Variants in TMEM244 observed in about 807,000 individuals in gnomAD.
The protein encoded by TMEM244 is transmembrane protein 244, also known as putative transmembrane protein 244.
In TMEM244, 13 loss-of-function variants were observed where a neutral mutation model predicts 15.8. The observed-to-expected ratio is 0.82, with a 90% CI of 0.53 to 1.30. The LOEUF (loss-of-function observed/expected upper bound fraction) is 1.30, where lower values mean the gene tolerates loss of function less well. TMEM244 is among the 50% of genes most tolerant of loss of function. The probability of loss-of-function intolerance (pLI) is 0.00; values close to 1 mark genes in which losing one functional copy is unlikely to be tolerated. For missense variants in TMEM244, 161 were observed against 144.9 expected (o/e 1.11, Z -0.57); for synonymous variants, 45 against 48.7 (o/e 0.92, Z 0.32).
At chr6:129,835,865 T>A (rs1340805011) in intron 3 of TMEM244, among the ~76,000 whole-genome samples, 1 of 150,678 alleles carries the variant, frequency 6.6e-6, no homozygotes, top group African/African-American at 2.5e-5. Context: ...GGCGTCTGCA[T>A]TGCTGAGGCT....
chr6:129,837,333 A>G (rs954641713), intron 3 of TMEM244, among the ~76,000 whole-genome samples: 49 of 152,250 alleles, frequency 3.2e-4, no homozygotes, highest in Admixed American at 1.1e-3. Flanking sequence ...TAAGCTTCAT[A>G]AGTGAAGGAG....
chr6:129,860,035 A>T (rs1436012238), intron 1 of TMEM244, among the ~76,000 whole-genome samples: 1 of 151,992 alleles, frequency 6.6e-6, no homozygotes, highest in Non-Finnish European at 1.5e-5. Flanking sequence ...CTAATTCTAC[A>T]CTTGAAGCTC....
chr6:129,833,299 A>C (rs765604655), intron 4 of TMEM244, among the ~76,000 whole-genome samples, 161 bp downstream of exon 4: 2 of 152,178 alleles, frequency 1.3e-5, no homozygotes, highest in African/African-American at 4.8e-5. Flanking sequence ...GGTACAAAAA[A>C]ATTTGGCTGG....
At chr6:129,852,412 A>G (rs1776647276) in intron 1 of TMEM244, among the ~76,000 whole-genome samples, 1 of 152,150 alleles carries the variant, frequency 6.6e-6, no homozygotes, top group South Asian at 2.1e-4. Flanking sequence ...TAATCCTCAC[A>G]ACAACACTGC....
chr6:129,840,140 G>A (rs1320854179), intron 3 of TMEM244, among the ~76,000 whole-genome samples: 3 of 152,122 alleles, frequency 2.0e-5, no homozygotes, highest in African/African-American at 7.2e-5. Flanking sequence ...TAAGCAAAAA[G>A]AACAAAGCTG....
At chr6:129,837,539 A>T (rs1210289457) in intron 3 of TMEM244, among the ~76,000 whole-genome samples, 3 of 152,228 alleles carry the variant, frequency 2.0e-5, no homozygotes, top group African/African-American at 7.2e-5. Context: ...TAACCAGCTA[A>T]CATAATAATG....
intron 1 of TMEM244, among the ~76,000 whole-genome samples, chr6:129,847,522 A>T (rs1562199331): frequency 6.6e-6 from 1 of 152,170 alleles, no homozygotes; most frequent in Non-Finnish European, 1.5e-5. Flanking sequence ...TCTACCAAGA[A>T]CCTGCTTCTT....
chr6:129,844,572 G>T (rs780342322), intron 2 of TMEM244, among the ~76,000 whole-genome samples: 3 of 152,172 alleles, frequency 2.0e-5, no homozygotes, highest in Admixed American at 6.5e-5. Context: ...GTAGTCGTGT[G>T]CAGCTGGCCA....
chr6:129,835,198 C>A (rs1238919466), intron 3 of TMEM244, among the ~76,000 whole-genome samples: 2 of 151,942 alleles, frequency 1.3e-5, no homozygotes, highest in East Asian at 3.9e-4. Flanking sequence ...GAGTTCAAGG[C>A]CACACTGGGC....
At chr6:129,841,985 C>A (rs1045875637) in intron 3 of TMEM244, among the ~76,000 whole-genome samples, 1 of 152,102 alleles carries the variant, frequency 6.6e-6, no homozygotes, top group Admixed American at 6.6e-5. Flanking sequence ...AATTAAAGAT[C>A]TAATACGCTA....
At chr6:129,858,913 C>T (rs1776758163) in intron 1 of TMEM244, among the ~76,000 whole-genome samples, 1 of 152,024 alleles carries the variant, frequency 6.6e-6, no homozygotes, top group Non-Finnish European at 1.5e-5. Context: ...CTTGCCTCAG[C>T]CTCCCTGAGT....
chr6:129,854,891 C>T (rs564676432), intron 1 of TMEM244, among the ~76,000 whole-genome samples: 19 of 152,322 alleles, frequency 1.2e-4, no homozygotes, highest in African/African-American at 4.3e-4. Flanking sequence ...GATCTAGGCT[C>T]TTAGGAACAA....
chr6:129,837,712 A>G (rs1202942966), intron 3 of TMEM244, among the ~76,000 whole-genome samples: 1 of 152,202 alleles, frequency 6.6e-6, no homozygotes, highest in Non-Finnish European at 1.5e-5. Context: ...TAGGCTCAAA[A>G]TAAAGGGATG....
intron 4 of TMEM244, among the ~76,000 whole-genome samples, chr6:129,831,797 C>T (rs890656261): frequency 1.3e-5 from 2 of 152,192 alleles, no homozygotes; most frequent in Admixed American, 6.5e-5. Context: ...TTTCTAGGTC[C>T]AGAACCTATA....
intron 1 of TMEM244, among the ~76,000 whole-genome samples, chr6:129,859,871 A>G (rs1776775642): frequency 6.6e-6 from 1 of 152,232 alleles, no homozygotes; most frequent in Admixed American, 6.5e-5. Context: ...ATTTATAAGC[A>G]TATCAGTAAT....
intron 1 of TMEM244, among the ~76,000 whole-genome samples, chr6:129,851,884 A>C (rs74704643): frequency 0.067 from 10,141 of 152,252 alleles, 432 homozygotes; most frequent in Non-Finnish European, 0.091. Flanking sequence ...TGGATCCTGA[A>C]TCAAATAAAC....
intron 1 of TMEM244, 84 bp downstream of exon 1, chr6:129,861,070 CAG>C: frequency 6.8e-7 from 1 of 1,467,252 alleles, no homozygotes; most frequent in South Asian, 1.2e-5. Flanking sequence ...TGCCCACTGA[CAG>C]AGAGGCCATT....
intron 4 of TMEM244, among the ~76,000 whole-genome samples, chr6:129,833,209 T>C (rs1776355138): frequency 6.6e-6 from 1 of 152,192 alleles, no homozygotes; most frequent in Non-Finnish European, 1.5e-5. Flanking sequence ...AGTTATATTT[T>C]TGTAACTTTT....
intron 1 of TMEM244, among the ~76,000 whole-genome samples, chr6:129,853,500 A>G (rs1234077775): frequency 6.6e-6 from 1 of 152,112 alleles, no homozygotes; most frequent in African/African-American, 2.4e-5. Context: ...AGTGAAATAA[A>G]TGTGCACCAG....
Sources: allele counts gnomAD v4.1 joint callset (sites outside exome capture counted in the v4.1 genomes callset), GRCh38; gene constraint gnomAD v4.1.1; transcripts MANE v1.5; gene names NCBI Gene and HGNC (gene_info 2026-07-23, HGNC 2026-07-21).